The following LGSN variants were observed in gnomAD, a reference collection of about 807,000 sequenced individuals.
The protein encoded by LGSN is lengsin.
LGSN carries 21 observed loss-of-function variants against 19.5 expected under a neutral mutation model. The observed-to-expected ratio is 1.07, with a 90% confidence interval of 0.76 to 1.55. The LOEUF is 1.55. Ranked by LOEUF, LGSN falls within the 40% of genes most tolerant of loss-of-function variation. LGSN has a pLI of 0.00. For synonymous variants in LGSN, 257 were observed against 215.6 expected (o/e 1.19, Z -1.68); for missense variants, 673 against 608.5 (o/e 1.11, Z -1.12).
chr6:63,394,883 TGTCAGGCGGTC>T, the LGSN span: 1 of 152,574 alleles, frequency 6.6e-6, no homozygotes, highest in Non-Finnish European at 1.5e-5. Context: ...GGCGTCCGCC[TGTCAGGCGGTC>T]GTCTGTGCCT....
the LGSN span, among the ~76,000 whole-genome samples, chr6:63,456,346 A>AATATATATATATATATAT: frequency 6.0e-5 from 6 of 100,522 alleles, no homozygotes; most frequent in African/African-American, 1.3e-4. Flanking sequence ...ACTTGGCAGA[A>AATATATATATATATATAT]ATATACATAT....
chr6:63,404,129 T>C, the LGSN span, among the ~76,000 whole-genome samples: 17,685 of 152,120 alleles, frequency 0.12, 2,063 homozygotes, highest in African/African-American at 0.31. Flanking sequence ...CTATGAGACC[T>C]TAAGCGAAGG....
chr6:63,486,132 T>A, the LGSN span, among the ~76,000 whole-genome samples: 1 of 152,142 alleles, frequency 6.6e-6, no homozygotes, highest in African/African-American at 2.4e-5. Flanking sequence ...AGGAAGGCAA[T>A]TATTGACAAA....
the LGSN span, chr6:63,441,916 G>A: frequency 1.3e-5 from 3 of 239,192 alleles, no homozygotes; most frequent in Non-Finnish European, 1.6e-5. Flanking sequence ...TGGTCTTGCT[G>A]ACTTCCAGAA....
the LGSN span, among the ~76,000 whole-genome samples, chr6:63,432,137 GAA>G: frequency 9.5e-6 from 1 of 105,156 alleles, no homozygotes; most frequent in Non-Finnish European, 1.9e-5. Context: ...AAGAAAGAAA[GAA>G]AGAAAGAAAG....
intron 3 of LGSN, among the ~76,000 whole-genome samples, chr6:63,283,688 G>C (rs1720901937): frequency 6.7e-6 from 1 of 149,344 alleles, no homozygotes; most frequent in African/African-American, 2.5e-5. Context: ...ACTTTGCACA[G>C]ATGAATCTTT....
At chr6:63,466,857 A>T in the LGSN span, among the ~76,000 whole-genome samples, 1 of 152,174 alleles carries the variant, frequency 6.6e-6, no homozygotes, top group East Asian at 1.9e-4. Context: ...TCCAATGAGG[A>T]TATTGAATTG....
chr6:63,362,069 G>A, the LGSN span, among the ~76,000 whole-genome samples: 34 of 152,286 alleles, frequency 2.2e-4, no homozygotes, highest in African/African-American at 7.7e-4. Flanking sequence ...GTTCTTCAGA[G>A]GCAGTAACAT....
the LGSN span, among the ~76,000 whole-genome samples, chr6:63,358,818 C>T: frequency 2.6e-4 from 40 of 152,198 alleles, no homozygotes; most frequent in African/African-American, 8.9e-4. Context: ...ATTGAATACC[C>T]TTTATTTTTT....
chr6:63,346,913 C>A, the LGSN span, among the ~76,000 whole-genome samples: 8 of 152,248 alleles, frequency 5.3e-5, no homozygotes, highest in East Asian at 1.3e-3. Flanking sequence ...CTATGGACTG[C>A]TGAACACATG....
the LGSN span, chr6:63,571,238 T>C: frequency 7.2e-5 from 11 of 152,174 alleles, no homozygotes; most frequent in East Asian, 3.8e-4. Context: ...AGTCTCTAAA[T>C]AGAAGTTCTA....
At chr6:63,525,524 C>A in the LGSN span, among the ~76,000 whole-genome samples, 1 of 152,202 alleles carries the variant, frequency 6.6e-6, no homozygotes, top group African/African-American at 2.4e-5. Flanking sequence ...TCTCCCAGAA[C>A]CTAGTTCATG....
chr6:63,334,086 C>T, the LGSN span, among the ~76,000 whole-genome samples: 2 of 152,058 alleles, frequency 1.3e-5, no homozygotes, highest in Admixed American at 6.6e-5. Context: ...CCATTTTAAC[C>T]ACTTATATTC....
chr6:63,450,113 G>A, the LGSN span, among the ~76,000 whole-genome samples: 54 of 151,372 alleles, frequency 3.6e-4, no homozygotes, highest in East Asian at 0.01. Flanking sequence ...TTGGGAGGCT[G>A]AGGCGGGTGG....
the LGSN span, among the ~76,000 whole-genome samples, chr6:63,509,709 C>T: frequency 1.3e-5 from 2 of 152,134 alleles, no homozygotes; most frequent in African/African-American, 2.4e-5. Context: ...GCATTTAATA[C>T]GTTATAACAG....
the LGSN span, among the ~76,000 whole-genome samples, chr6:63,512,949 G>A: frequency 3.3e-5 from 5 of 152,280 alleles, no homozygotes; most frequent in Admixed American, 6.5e-5. Context: ...AGACAGATAC[G>A]TATTTGTATT....
At chr6:63,377,154 T>C in the LGSN span, among the ~76,000 whole-genome samples, 2 of 152,250 alleles carry the variant, frequency 1.3e-5, no homozygotes, top group East Asian at 3.8e-4. Flanking sequence ...GAACAGCCTG[T>C]CTTCATCTGA....
intron 2 of LGSN, among the ~76,000 whole-genome samples, chr6:63,291,665 GT>G (rs1767775395): frequency 6.6e-6 from 1 of 152,170 alleles, no homozygotes; most frequent in African/African-American, 2.4e-5. Flanking sequence ...AGAAATGTCT[GT>G]TCCTATTCAG....
chr6:63,441,671 T>A, the LGSN span: 1 of 464,960 alleles, frequency 2.2e-6, no homozygotes, highest in South Asian at 1.8e-5. Flanking sequence ...GAGAAAGGAG[T>A]ATGATGCCCT....
Sources: gnomAD v4.1 joint callset for allele counts (sites outside exome capture counted in the v4.1 genomes callset) on GRCh38, gnomAD v4.1.1 for gene constraint, MANE v1.5 for transcripts, NCBI Gene and HGNC (gene_info 2026-07-23, HGNC 2026-07-21) for gene names.